The following EPRS1 variants were observed in gnomAD, a reference collection of about 807,000 sequenced individuals.
EPRS1 encodes the protein bifunctional glutamate/proline--tRNA ligase.
A neutral mutation model predicts 188.3 loss-of-function variants in EPRS1; 107 were observed. The ratio of observed to expected loss-of-function variants is 0.57; its 90% CI spans 0.49 to 0.67. The LOEUF is 0.67. EPRS1 is among the 30% of genes least tolerant of loss of function. The pLI is 0.00. For synonymous variants in EPRS1, 596 were observed against 593.1 expected (o/e 1.00, Z -0.07); for missense variants, 1,577 against 1,802.2 (o/e 0.88, Z 2.26).
At chr1:220,008,798 C>T (rs569031449) in intron 13 of EPRS1, among the ~76,000 whole-genome samples, 7 of 152,224 alleles carry the variant, frequency 4.6e-5, no homozygotes, top group African/African-American at 1.7e-4. Context: ...TCAAGTGATC[C>T]ACCTACCTCT....
At chr1:220,033,012 G>C (rs769738789) in intron 4 of EPRS1, among the ~76,000 whole-genome samples, 1 of 152,040 alleles carries the variant, frequency 6.6e-6, no homozygotes. Context: ...GTCTTTCCAA[G>C]TTGGAAAAAG....
chr1:219,971,926 C>T lies in EPRS1; in HGVS notation c.4323+143G>A, dbSNP rs368944262. On this transcript the variant is annotated intron_variant, in intron 30 of 31. Coordinates refer to ENST00000366923, the MANE Select transcript of EPRS1 (RefSeq NM_004446.3). ...TATATAATTAGATTATATATTTATA[C>T]GTACATATAAATGTTGAGTAATGTA... The T allele has an allele frequency of 3.7e-4, 131 of 356,324 alleles. 2 individuals are homozygous for T. In the South Asian group the frequency reaches 0.011, roughly 29 times the overall value. 22.1% of individuals were successfully genotyped at this position (356,324 alleles called of 1,614,324 possible).
At chr1:219,981,954 A>T (rs182066015) in intron 23 of EPRS1, among the ~76,000 whole-genome samples, 17 of 152,338 alleles carry the variant, frequency 1.1e-4, no homozygotes, top group African/African-American at 3.6e-4. Context: ...TATCTGATGC[A>T]TCTACTCAGA....
rs200236267 is a variant in EPRS1, at chr1:220,005,262, A to G, written c.2049T>C (p.Pro683=). The part of the protein sequence containing the change: ...QRRGFFICDQ[P]YEPVSPYSCK... ...CATTTACTTACCTAACAGGTTCATA[A>G]GGTTGATCACATATGAAGAATCCTC... The change falls in exon 16 of 32, where the codon CCT becomes CCC. Residue 683 remains proline (P), a synonymous_variant. Coordinates refer to ENST00000366923, the MANE Select transcript of EPRS1 (RefSeq NM_004446.3). The G allele has an allele frequency of 1.7e-4, 259 of 1,516,100 alleles. No individual in the cohort carries two copies. The highest frequency in any genetic ancestry group is 2.2e-4 in the Non-Finnish European group (241 of 1,109,284). 93.9% of individuals were successfully genotyped at this position (1,516,100 alleles called of 1,614,324 possible).
At chr1:220,007,990 C>T (rs1318818809) in intron 13 of EPRS1, among the ~76,000 whole-genome samples, 2 of 152,006 alleles carry the variant, frequency 1.3e-5, no homozygotes, top group Non-Finnish European at 2.9e-5. Context: ...ACCTGTAGTC[C>T]CAGCTACTTG....
chr1:220,004,786 A>T (rs1328475236), intron 16 of EPRS1, among the ~76,000 whole-genome samples: 1 of 152,184 alleles, frequency 6.6e-6, no homozygotes, highest in African/African-American at 2.4e-5. Context: ...AAAAAGGGAC[A>T]AAAATTTACA....
Position 220,025,175 on chromosome 1 carries a change from A to C in EPRS1, c.707T>G (p.Phe236Cys). The C allele has an allele frequency of 6.2e-7, 1 of 1,613,412 alleles. No homozygotes were observed. The change falls in exon 7 of 32, where the codon TTT (phenylalanine) becomes TGT (cysteine). Residue 236 changes from phenylalanine (F) to cysteine (C), a missense_variant. By Grantham distance (205) the Phe-to-Cys change is radical (BLOSUM62 -2). Transcript: ENST00000366923. ...VNFKGKLIMR[F>C]DDTNPEKEKE... is the part of the protein sequence containing the mutation. Reference sequence around the variant, plus strand: ...TTCTTTTTCAGGATTTGTGTCATCAAATCTCATGATCAGTTTCCCTTTAAA... The same window carrying C: ...TTCTTTTTCAGGATTTGTGTCATCACATCTCATGATCAGTTTCCCTTTAAA...
intron 6 of EPRS1, 128 bp from the exon 7 acceptor site, chr1:220,025,386 T>C (rs531839774): frequency 1.7e-6 from 1 of 605,836 alleles, no homozygotes; most frequent in South Asian, 3.6e-5. Context: ...ATATTTTATT[T>C]TCTAACAAAA....
At position 219,979,431 on chromosome 1, in the gene EPRS1, A is replaced by G. The variant is rs151171519; in HGVS notation, c.3896T>C (p.Val1299Ala). Residue 1299 changes from valine (V) to alanine (A), a missense_variant, in exon 27 of 32, where the codon GTA (valine) becomes GCA (alanine). Around this residue, in one of 3 missense-constraint regions of EPRS1, gnomAD observed 296 missense variants for 327.9 expected, o/e 0.90. Transcript: ENST00000366923. ...TATTTTCCTTACCTGAACACATGCT[A>G]CACGGGGTGGTAATACTAAACCCAT... ...DNMGLVLPPR[V>A]ACVQVVIIPC... 3 of 1,612,664 alleles carry G rather than the reference A, an allele frequency of 1.9e-6. No individual in the cohort carries two copies. The African/African-American group carries it at 4.0e-5, about 22-fold the overall frequency.
At chr1:220,002,417 G>C (rs937597532) in intron 16 of EPRS1, among the ~76,000 whole-genome samples, 1 of 151,872 alleles carries the variant, frequency 6.6e-6, no homozygotes, top group East Asian at 1.9e-4. Flanking sequence ...AACAAACTAT[G>C]TCCAGGGCAA....
At chr1:219,999,995 T>C (rs1260397473) in intron 17 of EPRS1, among the ~76,000 whole-genome samples, 3 of 151,972 alleles carry the variant, frequency 2.0e-5, no homozygotes, top group African/African-American at 7.3e-5. Context: ...AAAATAAAAA[T>C]AGAATACAGC....
chr1:219,978,794 C>A, intron 27 of EPRS1, 75 bp from the exon 28 acceptor site: 1 of 1,005,004 alleles, frequency 1.0e-6, no homozygotes, highest in Non-Finnish European at 1.5e-6. Flanking sequence ...AAGTCGAAAC[C>A]TACCAGTGGC....
At chr1:220,020,892 C>CT (rs148502385) in intron 9 of EPRS1, among the ~76,000 whole-genome samples, 51 of 123,164 alleles carry the variant, frequency 4.1e-4, no homozygotes, top group Middle Eastern at 5.0e-3. Context: ...TGCTTTCTTT[C>CT]TTTTTTTTTG....
intron 12 of EPRS1, 57 bp downstream of exon 12, chr1:220,018,392 T>G: frequency 7.6e-7 from 1 of 1,311,632 alleles, no homozygotes; most frequent in Non-Finnish European, 1.1e-6. Flanking sequence ...GACTTCTACT[T>G]GTACATTATT....
At chr1:219,980,643 GAATT>G (rs981658233) in intron 25 of EPRS1, 109 bp downstream of exon 25, 6 of 640,458 alleles carry the variant, frequency 9.4e-6, no homozygotes, top group African/African-American at 9.2e-5. Context: ...ATGAACATTT[GAATT>G]AATTTGATTT....
chr1:219,973,527 A>AAT, intron 28 of EPRS1, 129 bp from the exon 29 acceptor site: 5 of 415,886 alleles, frequency 1.2e-5, no homozygotes, highest in East Asian at 3.9e-5. Context: ...CAAAAAAAAC[A>AAT]AGAGAAAAAA....
At chr1:220,032,241 A>T in intron 5 of EPRS1, 146 bp downstream of exon 5, 1 of 415,152 alleles carries the variant, frequency 2.4e-6, no homozygotes, top group Non-Finnish European at 3.9e-6. Context: ...CGCCCGGCTA[A>T]TTTTTTTTTT....
At chr1:219,982,708 C>T in intron 23 of EPRS1, 64 bp downstream of exon 23, 1 of 1,313,916 alleles carries the variant, frequency 7.6e-7, no homozygotes, top group Non-Finnish European at 1.1e-6. Flanking sequence ...AGCTGAGACT[C>T]AACTTTAGAG....
In EPRS1 at chr1:220,025,248, T is replaced by C. The variant is rs1476897152; in HGVS notation, c.634A>G (p.Ile212Val). ...FPPEASGYLH[I>V]GHAKAALLNQ... ...AGAAGAGCAGCTTTTGCATGCCCAA[T>C]GTGTAAGTAACTAAAACAAAAACAT... The change falls in exon 7 of 32, where the codon ATT (isoleucine) becomes GTT (valine). Residue 212 changes from isoleucine (I) to valine (V), a missense_variant. Ile to Val is a conservative substitution (Grantham distance 29, BLOSUM62 3). This residue lies in a region of EPRS1 where 1,278 missense variants were observed against 1,457.4 expected (regional missense o/e 0.88). Transcript: ENST00000366923. The C allele has an allele frequency of 3.1e-6, 5 of 1,598,332 alleles. No homozygotes were observed. The highest frequency in any genetic ancestry group is 1.4e-5 in the African/African-American group (1 of 74,028).
Sources: allele counts gnomAD v4.1 joint callset (sites outside exome capture counted in the v4.1 genomes callset), GRCh38; gene constraint gnomAD v4.1.1; regional missense constraint gnomAD v4.1.1; transcripts MANE v1.5; gene names NCBI Gene and HGNC (gene_info 2026-07-23, HGNC 2026-07-21).